The following MSL2 variants were observed in gnomAD, a reference collection of about 807,000 sequenced individuals.
MSL2 encodes E3 ubiquitin-protein ligase MSL2.
A neutral mutation model predicts 35.8 loss-of-function variants in MSL2; 2 were observed. The observed-to-expected ratio is 0.06, with a 90% CI of 0.02 to 0.18. The LOEUF is 0.18. MSL2 is among the 10% of genes least tolerant of loss of function. The probability of loss-of-function intolerance (pLI) is 1.00; values close to 1 mark genes in which losing one functional copy is unlikely to be tolerated. For missense variants in MSL2, 523 were observed against 706.7 expected (o/e 0.74, Z 2.95); for synonymous variants, 296 against 255.7 (o/e 1.16, Z -1.50).
intron 1 of MSL2, among the ~76,000 whole-genome samples, chr3:136,179,775 G>A (rs71336052): frequency 0.01 from 1,535 of 152,120 alleles, 11 homozygotes; most frequent in Non-Finnish European, 0.015. Flanking sequence ...ACTTTAAAAC[G>A]GCTTATCTTG....
intron 1 of MSL2, among the ~76,000 whole-genome samples, chr3:136,161,973 T>G (rs1206200594): frequency 6.6e-6 from 1 of 151,874 alleles, no homozygotes; most frequent in Non-Finnish European, 1.5e-5. Flanking sequence ...AGTCTTTCTC[T>G]GTCGCCCAGG....
Position 136,195,749 on chromosome 3 carries a change from C to G in MSL2, c.-636G>C. On this transcript the variant is annotated 5_prime_UTR_variant, in exon 1 of 2. Transcript: ENST00000309993. ...ATCGGACGCGGGGCCCAGACTGCGCCCTGGCTCTCCGCCCCGTGGGTTGCA... is the reference window on the plus strand; with the variant it reads ...ATCGGACGCGGGGCCCAGACTGCGCGCTGGCTCTCCGCCCCGTGGGTTGCA... The G allele has an allele frequency of 1.0e-6, 1 of 985,166 alleles. No individual in the cohort carries two copies. The highest frequency in any genetic ancestry group is 1.2e-6 in the Non-Finnish European group (1 of 829,872). 61.0% of individuals were successfully genotyped at this position (985,166 alleles called of 1,614,324 possible).
chr3:136,155,913 T>C (rs915543779), intron 1 of MSL2: 11 of 558,874 alleles, frequency 2.0e-5, no homozygotes, highest in Admixed American at 3.9e-5. Flanking sequence ...GATGAGCACC[T>C]CATGGTTTCC....
intron 1 of MSL2, among the ~76,000 whole-genome samples, chr3:136,170,845 A>G (rs994223899): frequency 2.0e-5 from 3 of 152,140 alleles, no homozygotes; most frequent in African/African-American, 7.2e-5. Flanking sequence ...AAAAAAGAAT[A>G]CAAGCCTGAT....
chr3:136,149,331 A>G lies in MSL2; in HGVS notation c.*1816T>C, dbSNP rs925795739. Reference sequence around the variant, plus strand: ...ATATAGCAGGGCATCTGGGTTCAACACAAAACTGTTACAAACGTTAGGTAA... The same window carrying G: ...ATATAGCAGGGCATCTGGGTTCAACGCAAAACTGTTACAAACGTTAGGTAA... On this transcript the variant is annotated 3_prime_UTR_variant, in exon 2 of 2. Transcript: ENST00000309993. 1 of 152,598 alleles carries G rather than the reference A, an allele frequency of 6.6e-6. No individual in the cohort carries two copies. The highest frequency in any genetic ancestry group is 2.4e-5 in the African/African-American group (1 of 41,456). The allele number at this position is 152,598 out of a possible 1,614,324, so 9.5% of individuals were successfully genotyped here.
chr3:136,179,236 G>A (rs1238480685), intron 1 of MSL2, among the ~76,000 whole-genome samples: 1 of 151,900 alleles, frequency 6.6e-6, no homozygotes, highest in Non-Finnish European at 1.5e-5. Context: ...GCCCAGGCTG[G>A]AGTGCAGCAG....
chr3:136,185,435 A>G (rs1221673080), intron 1 of MSL2, among the ~76,000 whole-genome samples: 1 of 152,128 alleles, frequency 6.6e-6, no homozygotes, highest in Non-Finnish European at 1.5e-5. Context: ...AACCTTATCT[A>G]AAATACTATA....
intron 1 of MSL2, among the ~76,000 whole-genome samples, chr3:136,184,021 C>T (rs538749817): frequency 2.0e-5 from 3 of 152,254 alleles, no homozygotes; most frequent in South Asian, 4.1e-4. Context: ...CCTGGCCAGG[C>T]GTGGTGGCTC....
rs1299944756 is a variant in MSL2 at position 136,195,033 on chromosome 3, C to G, written c.81G>C (p.Ala27=). ...VLNYDPGDPK[A]FTEINRLLPY... ...GCAAGAGCCTGTTAATCTCAGTAAA[C>G]GCCTTGGGGTCTCCGGGGTCGTAGT... The change falls in exon 1 of 2, where the codon GCG becomes GCC. Residue 27 remains alanine (A), a synonymous_variant. Transcript: ENST00000309993. 2 of 1,614,004 alleles carry G rather than the reference C, an allele frequency of 1.2e-6. No individual in the cohort carries two copies. The highest frequency in any genetic ancestry group is 1.1e-5 in the South Asian group (1 of 91,070).
intron 1 of MSL2, among the ~76,000 whole-genome samples, chr3:136,185,746 T>C (rs950480855): frequency 3.3e-5 from 5 of 152,070 alleles, no homozygotes; most frequent in Non-Finnish European, 7.4e-5. Flanking sequence ...CCTCAGATGA[T>C]CCACCTGCCT....
intron 1 of MSL2, among the ~76,000 whole-genome samples, chr3:136,180,800 GGGAGGGAGGGAA>G (rs1282015779): frequency 4.0e-5 from 2 of 49,522 alleles, no homozygotes; most frequent in Non-Finnish European, 7.1e-5. Context: ...GAGGGAGGGA[GGGAGGGAGGGAA>G]GGAGGGAAGG....
chr3:136,178,213 T>C (rs1336264249), intron 1 of MSL2, among the ~76,000 whole-genome samples: 1 of 152,228 alleles, frequency 6.6e-6, no homozygotes, highest in Non-Finnish European at 1.5e-5. Context: ...ATAGAATGTT[T>C]GTGGTTACAG....
chr3:136,176,150 G>A (rs1940166814), intron 1 of MSL2, among the ~76,000 whole-genome samples: 1 of 152,184 alleles, frequency 6.6e-6, no homozygotes, highest in African/African-American at 2.4e-5. Flanking sequence ...TCTTGGACAA[G>A]TAAAACTATA....
chr3:136,169,038 G>A (rs978785884), intron 1 of MSL2, among the ~76,000 whole-genome samples: 1 of 152,028 alleles, frequency 6.6e-6, no homozygotes, highest in Non-Finnish European at 1.5e-5. Flanking sequence ...CAAAAGACAG[G>A]ATGGTAACTT....
In MSL2 at chr3:136,152,529, C is replaced by T; in HGVS notation, c.352G>A (p.Asp118Asn). The T allele has an allele frequency of 6.2e-7, 1 of 1,614,182 alleles. No homozygotes were observed. Among genetic ancestry groups the T allele is most frequent in the Non-Finnish European group, 8.5e-7 (1 of 1,180,034 alleles). Reference protein sequence around the residue: ...EYITQTTLARDIIEAVDCSSD... With the variant: ...EYITQTTLARNIIEAVDCSSD... ...GAACAGTCAACTGCTTCTATTATAT[C>T]CCGTGCCAGTGTAGTCTGTGTTATA... The change falls in exon 2 of 2, where the codon GAT becomes AAT. Residue 118 changes from aspartate (D) to asparagine (N), a missense_variant. Physicochemically the swap from Asp to Asn is conservative, Grantham distance 23. Around this residue, in one of 5 missense-constraint regions of MSL2, gnomAD observed 361 missense variants for 414.6 expected, o/e 0.87. Transcript: ENST00000309993.
chr3:136,185,508 T>C (rs570816533), intron 1 of MSL2, among the ~76,000 whole-genome samples: 5 of 134,736 alleles, frequency 3.7e-5, no homozygotes, highest in Non-Finnish European at 7.7e-5. Context: ...CAGAATAACT[T>C]GGGACACAAC....
In MSL2 at chr3:136,195,058, T is replaced by G. The variant is rs761440902; in HGVS notation, c.56A>C (p.Asn19Thr). ...CGCCTTGGGGTCTCCGGGGTCGTAG[T>G]TGAGCACTAGGCGGCTCGCGGAAAT... ...LYISASRLVL[N>T]YDPGDPKAFT... Residue 19 changes from asparagine (N) to threonine (T), a missense_variant, in exon 1 of 2, where the codon AAC becomes ACC. Physicochemically the swap from Asn to Thr is moderately conservative, Grantham distance 65. Coordinates refer to ENST00000309993, the MANE Select transcript of MSL2 (RefSeq NM_018133.4). 2 of 1,614,098 alleles carry G rather than the reference T, an allele frequency of 1.2e-6. No individual in the cohort carries two copies. Among genetic ancestry groups the G allele is most frequent in the African/African-American group, 2.7e-5 (2 of 75,026 alleles).
chr3:136,180,207 A>G (rs141293603), intron 1 of MSL2, among the ~76,000 whole-genome samples: 494 of 152,312 alleles, frequency 3.2e-3, no homozygotes, highest in Middle Eastern at 0.017. Context: ...TATGTTTCCG[A>G]CTAAAATTTT....
At chr3:136,172,938 A>T (rs1021335938) in intron 1 of MSL2, among the ~76,000 whole-genome samples, 1 of 152,106 alleles carries the variant, frequency 6.6e-6, no homozygotes, top group Non-Finnish European at 1.5e-5. Context: ...CCAAGGCAAG[A>T]GGATCACTTG....
Sources: allele counts gnomAD v4.1 joint callset (sites outside exome capture counted in the v4.1 genomes callset), GRCh38; gene constraint gnomAD v4.1.1; regional missense constraint gnomAD v4.1.1; transcripts MANE v1.5; gene names NCBI Gene and HGNC (gene_info 2026-07-23, HGNC 2026-07-21).